The following ITGBL1 variants were observed in gnomAD, a reference collection of about 807,000 sequenced individuals.
ITGBL1 encodes the protein integrin beta-like protein 1.
Under a neutral mutation model 68.5 loss-of-function variants are expected in ITGBL1, and 51 were observed. That is an observed-to-expected ratio of 0.74 (90% CI 0.59 to 0.94). The LOEUF (loss-of-function observed/expected upper bound fraction) is 0.94, where lower values mean the gene tolerates loss of function less well. Ranked by LOEUF, ITGBL1 falls within the 40% of genes least tolerant of loss-of-function variation. ITGBL1 has a pLI of 0.00. For synonymous variants in ITGBL1, 209 were observed against 227.3 expected (o/e 0.92, Z 0.72); for missense variants, 649 against 647.4 (o/e 1.00, Z -0.03).
chr13:101,472,553 T>C (rs975020962), intron 2 of ITGBL1, among the ~76,000 whole-genome samples: 46 of 152,286 alleles, frequency 3.0e-4, no homozygotes, highest in African/African-American at 1.1e-3. Context: ...GATTTCTGTT[T>C]TGGGGGTTTT....
intron 2 of ITGBL1, among the ~76,000 whole-genome samples, chr13:101,562,870 A>G (rs2050122720): frequency 6.6e-6 from 1 of 151,830 alleles, no homozygotes; most frequent in Non-Finnish European, 1.5e-5. Context: ...CACAAGGAAA[A>G]TTGAACAAGA....
downstream of ITGBL1, chr13:101,718,552 T>C (rs898756654): frequency 5.0e-5 from 7 of 139,846 alleles, no homozygotes; most frequent in Non-Finnish European, 1.1e-4. Context: ...GCACTAACGC[T>C]GCTTGTTTGG....
intron 2 of ITGBL1, among the ~76,000 whole-genome samples, chr13:101,460,676 C>T (rs1421079911): frequency 1.3e-5 from 2 of 152,148 alleles, no homozygotes; most frequent in African/African-American, 2.4e-5. Context: ...ATTTGGCTTA[C>T]AGTTTTGCAG....
chr13:101,689,211 TAAA>T lies in ITGBL1; in HGVS notation c.1016-3354_1016-3352del, dbSNP rs34627046. ...CCTGGGGACAGAGCAAGACTCTGCCTAAAAAAAAAAAAAAAAAAAAAATTATGA... is the reference window on the plus strand; with the variant it reads ...CCTGGGGACAGAGCAAGACTCTGCCTAAAAAAAAAAAAAAAAAAATTATGA... On this transcript the variant is annotated intron_variant, in intron 7 of 10. Transcript: ENST00000376180. Among the ~76,000 whole-genome samples, 122 of 74,844 alleles carry T rather than the reference TAAA, an allele frequency of 1.6e-3. 4 individuals are homozygous for T. The highest frequency in any genetic ancestry group is 1.7e-3 in the African/African-American group (36 of 21,200). 49.1% of individuals were successfully genotyped at this position (74,844 alleles called of 152,430 possible). A position where few individuals can be genotyped will look rare whatever the true frequency, so the allele number is the denominator to read the frequency against.
At chr13:101,460,018 A>C (rs193044834) in intron 2 of ITGBL1, among the ~76,000 whole-genome samples, 1 of 151,866 alleles carries the variant, frequency 6.6e-6, no homozygotes, top group Non-Finnish European at 1.5e-5. Flanking sequence ...TTCCAATTGC[A>C]TTTTTCTTAG....
intron 2 of ITGBL1, among the ~76,000 whole-genome samples, chr13:101,518,555 C>A (rs917332878): frequency 6.6e-5 from 10 of 151,996 alleles, no homozygotes; most frequent in African/African-American, 2.4e-4. Context: ...GATTAATTAC[C>A]TGGTGAACAT....
In ITGBL1 at chr13:101,682,468, A is replaced by T. The variant is rs184930564; in HGVS notation, c.1016-10117A>T. ...AGGCTATATCAAGTAAAATTTAGTAACAAAGATTTCAGAAATGTCAAGTAT... is the reference window on the plus strand; with the variant it reads ...AGGCTATATCAAGTAAAATTTAGTATCAAAGATTTCAGAAATGTCAAGTAT... On this transcript the variant is annotated intron_variant, in intron 7 of 10. Transcript: ENST00000376180. 1.2e-4 allele frequency among the ~76,000 whole-genome samples: 19 copies of T among 152,250 alleles called. No homozygotes were observed. In the East Asian group the frequency reaches 3.7e-3, roughly 29 times the overall value.
At chr13:101,516,640 T>G (rs2049200248) in intron 2 of ITGBL1, among the ~76,000 whole-genome samples, 1 of 152,232 alleles carries the variant, frequency 6.6e-6, no homozygotes, top group Non-Finnish European at 1.5e-5. Flanking sequence ...AACTGTATTA[T>G]GTTCCTCTTA....
At chr13:101,555,845 G>A (rs1401736783) in intron 2 of ITGBL1, among the ~76,000 whole-genome samples, 4 of 152,164 alleles carry the variant, frequency 2.6e-5, no homozygotes, top group Admixed American at 1.3e-4. Flanking sequence ...CTGTAACCCA[G>A]ATGCACTATT....
chr13:101,538,293 A>G (rs1466538303), intron 2 of ITGBL1, among the ~76,000 whole-genome samples: 1 of 151,834 alleles, frequency 6.6e-6, no homozygotes, highest in African/African-American at 2.4e-5. Context: ...AGAAGGAAAC[A>G]GTTTACTGGG....
At chr13:101,464,455 T>A (rs1566685929) in intron 2 of ITGBL1, among the ~76,000 whole-genome samples, 1 of 152,106 alleles carries the variant, frequency 6.6e-6, no homozygotes, top group South Asian at 2.1e-4. Flanking sequence ...TCTGTATGTA[T>A]ATATGTAGTT....
intron 7 of ITGBL1, among the ~76,000 whole-genome samples, chr13:101,623,032 T>C (rs1033584569): frequency 3.3e-5 from 5 of 152,042 alleles, no homozygotes; most frequent in African/African-American, 1.2e-4. Flanking sequence ...CTAATTGAGA[T>C]TAGATTATAT....
rs140688507 is a variant in ITGBL1 at position 101,583,258 on chromosome 13, C to T, written c.770C>T (p.Pro257Leu). 3,280 of 1,613,162 alleles carry T rather than the reference C, an allele frequency of 2.0e-3. 12 individuals are homozygous for T. The highest frequency in any genetic ancestry group is 2.2e-3 in the Non-Finnish European group (2,599 of 1,179,620). Reference protein sequence around the residue: ...CGECTCHDVDPTGDWGDIHGD... With the variant: ...CGECTCHDVDLTGDWGDIHGD... ...GAATGTACCTGTCACGATGTTGATC[C>T]GACTGGGGACTGGGGAGATATTCAT... is the stretch of plus-strand genomic sequence containing the variant. The change falls in exon 6 of 11, where the codon CCG becomes CTG. Residue 257 changes from proline (P) to leucine (L), a missense_variant. Physicochemically the swap from Pro to Leu is moderately conservative, Grantham distance 98 (BLOSUM62 -3). Coordinates refer to ENST00000376180, the MANE Select transcript of ITGBL1 (RefSeq NM_004791.3).
At chr13:101,470,174 G>A (rs1053185032) in intron 2 of ITGBL1, among the ~76,000 whole-genome samples, 4 of 152,234 alleles carry the variant, frequency 2.6e-5, no homozygotes, top group Admixed American at 6.5e-5. Flanking sequence ...ACAGTTGACT[G>A]CAAAACGAAA....
chr13:101,659,652 G>A (rs974430533), intron 7 of ITGBL1, among the ~76,000 whole-genome samples: 1 of 152,064 alleles, frequency 6.6e-6, no homozygotes, highest in Non-Finnish European at 1.5e-5. Flanking sequence ...GAGTAGAGGT[G>A]GGGTTTCACC....
chr13:101,519,975 G>C (rs1012375861), intron 2 of ITGBL1, among the ~76,000 whole-genome samples: 1 of 152,158 alleles, frequency 6.6e-6, no homozygotes, highest in Non-Finnish European at 1.5e-5. Context: ...TGTGTATATA[G>C]TGATTTATTA....
chr13:101,697,036 T>G (rs568019763), intron 8 of ITGBL1, among the ~76,000 whole-genome samples: 1 of 132,368 alleles, frequency 7.6e-6, no homozygotes, highest in Non-Finnish European at 1.5e-5. Context: ...AAATATCGAT[T>G]TCATTTTTTT....
intron 7 of ITGBL1, among the ~76,000 whole-genome samples, chr13:101,659,726 G>T (rs1318778749): frequency 6.6e-6 from 1 of 152,154 alleles, no homozygotes; most frequent in Non-Finnish European, 1.5e-5. Flanking sequence ...CTCCCAAAGT[G>T]CTGGGATTAC....
At chr13:101,610,081 G>C (rs2139364561) in intron 7 of ITGBL1, among the ~76,000 whole-genome samples, 1 of 152,124 alleles carries the variant, frequency 6.6e-6, no homozygotes, top group East Asian at 1.9e-4. Flanking sequence ...CTCCAGGCAA[G>C]CTTAAAATAA....
Sources: allele counts gnomAD v4.1 joint callset (sites outside exome capture counted in the v4.1 genomes callset), GRCh38; gene constraint gnomAD v4.1.1; transcripts MANE v1.5; gene names NCBI Gene and HGNC (gene_info 2026-07-23, HGNC 2026-07-21).